The following EXOC7 variants were observed in gnomAD, a reference collection of about 807,000 sequenced individuals.
EXOC7 encodes the protein exocyst complex component 7.
Under a neutral mutation model 87.6 loss-of-function variants are expected in EXOC7, and 51 were observed. The ratio of observed to expected loss-of-function variants is 0.58; its 90% CI spans 0.46 to 0.73. The LOEUF is 0.73. Among genes scored for constraint, EXOC7 ranks in the 30% least tolerant of loss-of-function variants. The pLI is 0.00. For missense variants in EXOC7, 744 were observed against 888.4 expected, an observed-to-expected ratio of 0.84 and a Z score of 2.07; for synonymous variants, 327 against 357.1, an observed-to-expected ratio of 0.92 and a Z score of 0.95.
chr17:76,091,188 C>G lies in EXOC7; in HGVS notation c.856G>C (p.Gly286Arg). The G allele has an allele frequency of 6.2e-7, 1 of 1,614,176 alleles. No individual in the cohort carries two copies. The highest frequency in any genetic ancestry group is 8.5e-7 in the Non-Finnish European group (1 of 1,180,032). ...GAGCCCCCCTTTTTCCCATCTAGAC[C>G]ATGCTGGGAATACTGTTTCAGAAGG... Reference protein sequence around the residue: ...QNLLKQYSQHGLDGKKGGSNL... With the variant: ...QNLLKQYSQHRLDGKKGGSNL... Residue 286 changes from glycine (G) to arginine (R), a missense_variant, in exon 7 of 19, where the codon GGT (glycine) becomes CGT (arginine). Transcript: ENST00000589210.
At position 76,088,799 on chromosome 17, in the gene EXOC7, G is replaced by A. The variant is rs2067332440; in HGVS notation, c.1172C>T (p.Thr391Ile). 1 of 1,613,866 alleles carries A rather than the reference G, an allele frequency of 6.2e-7. No homozygotes were observed. Among genetic ancestry groups the A allele is most frequent in the Non-Finnish European group, 8.5e-7 (1 of 1,180,036 alleles). The change falls in exon 9 of 19, where the codon ACC becomes ATC. Residue 391 changes from threonine (T) to isoleucine (I), a missense_variant. Thr to Ile is a moderately conservative substitution (Grantham distance 89). Transcript: ENST00000589210. ...VFPILRHLKQ[T>I]KPEFDQVLQG... The stretch of plus-strand genomic sequence containing the variant: ...GAGCACCTGGTCAAACTCAGGCTTG[G>A]TCTGCTTGAGGTGTCGCAGGATGGG...
chr17:76,086,846 C>A, intron 12 of EXOC7: 1 of 1,551,274 alleles, frequency 6.4e-7, no homozygotes, highest in Non-Finnish European at 8.7e-7. Flanking sequence ...CAGAACCGCA[C>A]TGCTTACCTC....
rs771439466 is a variant in EXOC7 at position 76,082,484 on chromosome 17, G to A, written c.*1164C>T. 6.8e-6 allele frequency: 11 copies of A among 1,612,868 alleles called. No individual in the cohort carries two copies. The highest frequency in any genetic ancestry group is 8.5e-6 in the Non-Finnish European group (10 of 1,179,522). Reference sequence around the variant, plus strand: ...ACAGAGCCCTCCAGAGGAGTAAAGGGGTCACAGAGAAGCTGGCCTGAGACT... The same window carrying A: ...ACAGAGCCCTCCAGAGGAGTAAAGGAGTCACAGAGAAGCTGGCCTGAGACT... On this transcript the variant is annotated 3_prime_UTR_variant, in exon 19 of 19. Transcript: ENST00000589210.
At chr17:76,103,082 A>G in intron 2 of EXOC7, 2 of 488,040 alleles carry the variant, frequency 4.1e-6, no homozygotes, top group Non-Finnish European at 3.7e-6. Context: ...GGTCAGACTC[A>G]CTGAGTGTTT....
chr17:76,088,267 G>A, intron 10 of EXOC7, 145 bp from the exon 11 acceptor site: 1 of 985,826 alleles, frequency 1.0e-6, no homozygotes, highest in African/African-American at 1.6e-5. Context: ...GACCAAGGGG[G>A]AGAGGCCCTT....
rs2067075037 is a variant in EXOC7 at position 76,083,662 on chromosome 17, C to T, written c.2041G>A (p.Asp681Asn). 6.2e-7 allele frequency: 1 copy of T among 1,613,748 alleles called. No homozygotes were observed. The highest frequency in any genetic ancestry group is 8.5e-7 in the Non-Finnish European group (1 of 1,180,002). Residue 681 changes from aspartate (D) to asparagine (N), a missense_variant, in exon 19 of 19, where the codon GAC becomes AAC. By Grantham distance (23) the Asp-to-Asn change is conservative. This residue lies in a region of EXOC7 where 228 missense variants were observed against 298.6 expected (regional missense o/e 0.76). Transcript: ENST00000589210. ...TAGCAGCAGGCTCAGGCAGAGGTGT[C>T]GAAAAGGCGATCGATCATGTCGCCC... The part of the protein sequence containing the change: ...QVGDMIDRLF[D>N]TSA
intron 7 of EXOC7, 78 bp downstream of exon 7, chr17:76,091,065 G>C (rs745336232): frequency 1.2e-5 from 16 of 1,314,406 alleles, no homozygotes; most frequent in East Asian, 2.3e-5. Context: ...AGGCCCTCCT[G>C]GGGGAGGCTC....
chr17:76,082,188 C>A lies in EXOC7; in HGVS notation c.*1460G>T. 1 of 1,113,832 alleles carries A rather than the reference C, an allele frequency of 9.0e-7. No individual in the cohort carries two copies. Among genetic ancestry groups the A allele is most frequent in the South Asian group, 1.6e-5 (1 of 63,572 alleles). 69.0% of individuals were successfully genotyped at this position (1,113,832 alleles called of 1,614,324 possible). A position where few individuals can be genotyped will look rare whatever the true frequency, so the allele number is the denominator to read the frequency against. On this transcript the variant is annotated 3_prime_UTR_variant, in exon 19 of 19. Coordinates refer to ENST00000589210, the MANE Select transcript of EXOC7 (RefSeq NM_001013839.4). ...TCCTGTCCCTGGTCTCCACCATGTC[C>A]TCCTCCCTTAGAAGAAACAGGTCTG...
In EXOC7 at chr17:76,086,885, C is replaced by T. The variant is rs758150068; in HGVS notation, c.1430-740G>A. On this transcript the variant is annotated intron_variant, in intron 12 of 18. Transcript: ENST00000589210. ...GGTCTAAAGGAATATTGTATGTGTC[C>T]CCAAGAACTACGGAGTGAAAGGCAG... 15 of 1,551,318 alleles carry T rather than the reference C, an allele frequency of 9.7e-6. No homozygotes were observed. The East Asian group carries it at 1.5e-4, about 15-fold the overall frequency.
intron 1 of EXOC7, 98 bp from the exon 2 acceptor site, chr17:76,103,524 G>T (rs2068183365): frequency 6.5e-7 from 1 of 1,548,468 alleles, no homozygotes; most frequent in Non-Finnish European, 8.7e-7. Flanking sequence ...CCATCTCCTC[G>T]CTGGGTGCGC....
chr17:76,103,468 C>A, intron 1 of EXOC7, 42 bp from the exon 2 acceptor site: 1 of 1,567,900 alleles, frequency 6.4e-7, no homozygotes, highest in Non-Finnish European at 8.6e-7. Flanking sequence ...AAACCAGAAG[C>A]TAAAGGAGAC....
chr17:76,083,440 G>A lies in EXOC7; in HGVS notation c.*208C>T, dbSNP rs1379707489. ...GTGTGGAGGGACCCCAGGCTTCCGG[G>A]AGAGTGCTGGTTCGGCTGGGAACAC... On this transcript the variant is annotated 3_prime_UTR_variant, in exon 19 of 19. Coordinates refer to ENST00000589210, the MANE Select transcript of EXOC7 (RefSeq NM_001013839.4). 2.2e-5 allele frequency: 13 copies of A among 582,236 alleles called. No homozygotes were observed. The highest frequency in any genetic ancestry group is 3.4e-5 in the Non-Finnish European group (11 of 325,146). The allele number at this position is 582,236 out of a possible 1,614,324, so 36.1% of individuals were successfully genotyped here. A position where few individuals can be genotyped will look rare whatever the true frequency, so the allele number is the denominator to read the frequency against.
At chr17:76,103,002 A>G (rs2068148520) in intron 2 of EXOC7, 3 of 219,098 alleles carry the variant, frequency 1.4e-5, no homozygotes, top group East Asian at 1.3e-4. Context: ...GCCCTCAGGA[A>G]TCTCAAAGTG....
chr17:76,084,491 C>G, intron 16 of EXOC7, 26 bp downstream of exon 16: 1 of 1,612,594 alleles, frequency 6.2e-7, no homozygotes, highest in East Asian at 2.2e-5. Flanking sequence ...CCAGACACCC[C>G]TTCCCAGCCC....
rs1249120947 is a variant in EXOC7 at position 76,101,808 on chromosome 17, A to T, written c.182T>A (p.Ile61Asn). 1 of 1,614,010 alleles carries T rather than the reference A, an allele frequency of 6.2e-7. No individual in the cohort carries two copies. Among genetic ancestry groups the T allele is most frequent in the Non-Finnish European group, 8.5e-7 (1 of 1,179,990 alleles). Residue 61 changes from isoleucine to asparagine, a missense_variant, in exon 3 of 19, where the codon ATC becomes AAC. Physicochemically the swap from Ile to Asn is moderately radical, Grantham distance 149. Around this residue, in one of 3 missense-constraint regions of EXOC7, gnomAD observed 512 missense variants for 573.0 expected, o/e 0.89. Transcript: ENST00000589210. ...ATTCTCCGTCTGCTTGTGCACAGGG[A>T]TGATGGAGTTCTCCAGCTTCATAAG... is the stretch of plus-strand genomic sequence containing the variant. ...SRLMKLENSI[I>N]PVHKQTENLQ...
chr17:76,096,714 G>A (rs2067775265), intron 5 of EXOC7, among the ~76,000 whole-genome samples: 2 of 151,048 alleles, frequency 1.3e-5, no homozygotes, highest in South Asian at 2.1e-4. Flanking sequence ...GCGCCACCAC[G>A]CCCAGCTAAT....
At position 76,094,449 on chromosome 17, in the gene EXOC7, T is replaced by C; in HGVS notation, c.773A>G (p.Lys258Arg). Reference sequence around the variant, plus strand: ...GACTGGCTTCTTGGTAGGTGTGTCTTTCCTCTTGTTGGGGATAGCAGGGGA... The same window carrying C: ...GACTGGCTTCTTGGTAGGTGTGTCTCTCCTCTTGTTGGGGATAGCAGGGGA... ...PYSPAIPNKR[K>R]DTPTKKPVKR... Residue 258 changes from lysine to arginine, a missense_variant, in exon 6 of 19, where the codon AAA becomes AGA. By Grantham distance (26) the Lys-to-Arg change is conservative (BLOSUM62 2). Transcript: ENST00000589210. 1 of 1,613,992 alleles carries C rather than the reference T, an allele frequency of 6.2e-7. No individual in the cohort carries two copies. The highest frequency in any genetic ancestry group is 8.5e-7 in the Non-Finnish European group (1 of 1,179,928).
chr17:76,100,217 T>TA lies in EXOC7; in HGVS notation c.417+1053dup, dbSNP rs556648228. 2.0e-3 allele frequency among the ~76,000 whole-genome samples: 297 copies of TA among 152,144 alleles called. 5 individuals carry two copies. Among genetic ancestry groups the TA allele is most frequent in the Admixed American group, 0.018 (271 of 15,274 alleles). ...GACAGAGGAAGGGAGAATGGGAAAT[T>TA]AGTGTTTGATGGGAGTGGAGTTTCA... On this transcript the variant is annotated intron_variant, in intron 4 of 18. Transcript: ENST00000589210.
chr17:76,098,633 G>A (rs760325894), intron 4 of EXOC7, among the ~76,000 whole-genome samples: 30 of 150,858 alleles, frequency 2.0e-4, no homozygotes, highest in Non-Finnish European at 4.1e-4. Flanking sequence ...AGGCCGAGGC[G>A]GGCAGATCAC....
Sources: allele counts gnomAD v4.1 joint callset (sites outside exome capture counted in the v4.1 genomes callset), GRCh38; gene constraint gnomAD v4.1.1; regional missense constraint gnomAD v4.1.1; transcripts MANE v1.5; gene names NCBI Gene and HGNC (gene_info 2026-07-23, HGNC 2026-07-21).